Variants in SMCO4 observed in about 807,000 individuals in gnomAD.
SMCO4 encodes single-pass membrane and coiled-coil domain-containing protein 4.
A neutral mutation model predicts 3.6 loss-of-function variants in SMCO4; 4 were observed. The observed-to-expected ratio is 1.11, with a 90% confidence interval of 0.54 to 2.53. The LOEUF is 2.53. Among genes scored for constraint, SMCO4 ranks in the 30% most tolerant of loss-of-function variants. The probability of loss-of-function intolerance (pLI) is 0.02; values close to 1 mark genes in which losing one functional copy is unlikely to be tolerated. For synonymous variants in SMCO4, 36 were observed against 35.3 expected, an observed-to-expected ratio of 1.02 and a Z score of -0.07; for missense variants, 70 against 80.8, an observed-to-expected ratio of 0.87 and a Z score of 0.51.
At chr11:93,492,487 G>A (rs186181206) in intron 2 of SMCO4, among the ~76,000 whole-genome samples, 1 of 152,340 alleles carries the variant, frequency 6.6e-6, no homozygotes, top group East Asian at 1.9e-4. Context: ...AAATAAAAGT[G>A]TAATATGTCA....
chr11:93,537,527 G>T (rs1369457596), intron 1 of SMCO4, among the ~76,000 whole-genome samples: 1 of 151,694 alleles, frequency 6.6e-6, no homozygotes, highest in East Asian at 1.9e-4. Flanking sequence ...TATCTTTTTT[G>T]CTTCCCAGTA....
chr11:93,543,872 C>T (rs547210060), upstream of SMCO4, among the ~76,000 whole-genome samples: 32 of 152,362 alleles, frequency 2.1e-4, no homozygotes, highest in South Asian at 4.1e-3. Flanking sequence ...CCGCTGTCTA[C>T]CCAAGTAGGC....
intron 1 of SMCO4, among the ~76,000 whole-genome samples, chr11:93,537,530 T>G (rs1949237045): frequency 1.3e-5 from 2 of 152,022 alleles, no homozygotes; most frequent in African/African-American, 4.8e-5. Context: ...CTTTTTTGCT[T>G]CCCAGTAATA....
At chr11:93,504,897 A>G (rs1948884451) in intron 1 of SMCO4, among the ~76,000 whole-genome samples, 1 of 152,218 alleles carries the variant, frequency 6.6e-6, no homozygotes, top group Non-Finnish European at 1.5e-5. Flanking sequence ...GATTTTATTC[A>G]GTCCCCCTGT....
the SMCO4 span, among the ~76,000 whole-genome samples, chr11:93,553,010 A>G: frequency 2.0e-5 from 3 of 152,198 alleles, no homozygotes; most frequent in East Asian, 5.8e-4. Context: ...AGAACGTCAA[A>G]GGCCTGGCCA....
chr11:93,550,305 G>A, the SMCO4 span, among the ~76,000 whole-genome samples: 1 of 152,036 alleles, frequency 6.6e-6, no homozygotes, highest in South Asian at 2.1e-4. Context: ...AGAATTTTGG[G>A]GGGTTTTGCT....
At chr11:93,532,795 C>T (rs774703198) in intron 1 of SMCO4, among the ~76,000 whole-genome samples, 10 of 152,196 alleles carry the variant, frequency 6.6e-5, no homozygotes, top group Non-Finnish European at 1.3e-4. Flanking sequence ...CATGGGAAAA[C>T]ATACTCCTGC....
chr11:93,532,056 C>T (rs1029796175), intron 1 of SMCO4, among the ~76,000 whole-genome samples: 2 of 152,156 alleles, frequency 1.3e-5, no homozygotes, highest in African/African-American at 2.4e-5. Flanking sequence ...GCTCAGACCC[C>T]CTTGGGCACA....
At chr11:93,491,573 C>A (rs1948717959) in intron 2 of SMCO4, among the ~76,000 whole-genome samples, 1 of 152,196 alleles carries the variant, frequency 6.6e-6, no homozygotes, top group Non-Finnish European at 1.5e-5. Context: ...GACCACTAGG[C>A]AAGTAAGTGG....
intron 1 of SMCO4, among the ~76,000 whole-genome samples, chr11:93,507,484 T>C (rs1948918628): frequency 6.6e-6 from 1 of 152,202 alleles, no homozygotes; most frequent in South Asian, 2.1e-4. Flanking sequence ...CAGATGAGAA[T>C]GGCAATGACA....
intron 2 of SMCO4, among the ~76,000 whole-genome samples, chr11:93,484,741 T>C (rs1948628940): frequency 6.6e-6 from 1 of 152,044 alleles, no homozygotes; most frequent in Non-Finnish European, 1.5e-5. Flanking sequence ...TCCCCCAGGT[T>C]TTCTCTTTTC....
intron 2 of SMCO4, among the ~76,000 whole-genome samples, chr11:93,490,183 A>G (rs989136440): frequency 4.6e-5 from 7 of 152,244 alleles, no homozygotes; most frequent in Non-Finnish European, 1.0e-4. Context: ...GAGCTTTTGA[A>G]CAGGTCTTGT....
At chr11:93,527,014 GC>G (rs1029600700) in intron 1 of SMCO4, among the ~76,000 whole-genome samples, 7 of 152,136 alleles carry the variant, frequency 4.6e-5, no homozygotes, top group Non-Finnish European at 8.8e-5. Flanking sequence ...CAGTACAGCA[GC>G]CCACTCTTCA....
upstream of SMCO4, among the ~76,000 whole-genome samples, chr11:93,546,960 G>A (rs115201877): frequency 4.6e-5 from 7 of 152,054 alleles, no homozygotes; most frequent in African/African-American, 7.2e-5. Flanking sequence ...TTCCACTGAC[G>A]TGCTCTTTCC....
At chr11:93,526,812 G>A (rs1436210554) in intron 1 of SMCO4, among the ~76,000 whole-genome samples, 1 of 152,140 alleles carries the variant, frequency 6.6e-6, no homozygotes, top group Non-Finnish European at 1.5e-5. Context: ...GAGAAATGAG[G>A]AAATGGAAGC....
At chr11:93,520,947 T>C (rs1431092793) in intron 1 of SMCO4, among the ~76,000 whole-genome samples, 2 of 152,256 alleles carry the variant, frequency 1.3e-5, no homozygotes, top group Non-Finnish European at 2.9e-5. Context: ...TCTTGGAGTT[T>C]CCACTAAAAT....
intron 1 of SMCO4, among the ~76,000 whole-genome samples, chr11:93,501,288 T>G (rs1948835726): frequency 6.6e-6 from 1 of 152,188 alleles, no homozygotes. Context: ...ACAGCAGAAG[T>G]GTCTTGGACA....
At chr11:93,492,576 A>G (rs1948730745) in intron 2 of SMCO4, among the ~76,000 whole-genome samples, 1 of 152,222 alleles carries the variant, frequency 6.6e-6, no homozygotes, top group Non-Finnish European at 1.5e-5. Flanking sequence ...AGAGAGCATT[A>G]CAAGGGACTG....
chr11:93,549,623 A>ATTTTTT, the SMCO4 span, among the ~76,000 whole-genome samples: 1 of 90,652 alleles, frequency 1.1e-5, no homozygotes, highest in East Asian at 5.8e-4. Flanking sequence ...TAATTTATTT[A>ATTTTTT]TTTTTTTTTT....
Sources: allele counts gnomAD v4.1 joint callset (sites outside exome capture counted in the v4.1 genomes callset), GRCh38; gene constraint gnomAD v4.1.1; transcripts MANE v1.5; gene names NCBI Gene and HGNC (gene_info 2026-07-23, HGNC 2026-07-21).